The following MTUS2 variants were observed in gnomAD, a reference collection of about 807,000 sequenced individuals.
The protein encoded by MTUS2 is microtubule-associated tumor suppressor candidate 2.
MTUS2 carries 40 observed loss-of-function variants against 114.1 expected under a neutral mutation model. That is an observed-to-expected ratio of 0.35 (90% CI 0.27 to 0.46). MTUS2 has a LOEUF of 0.46. Ranked by LOEUF, MTUS2 falls within the 20% of genes least tolerant of loss-of-function variation. The pLI is 1.00. For synonymous variants in MTUS2, 688 were observed against 672.0 expected, an observed-to-expected ratio of 1.02 and a Z score of -0.37; for missense variants, 1,679 against 1,705.4, an observed-to-expected ratio of 0.98 and a Z score of 0.27.
chr13:29,202,273 T>A (rs1018857412), intron 5 of MTUS2, among the ~76,000 whole-genome samples: 1 of 152,176 alleles, frequency 6.6e-6, no homozygotes, highest in Non-Finnish European at 1.5e-5. Flanking sequence ...ATCTCTGATA[T>A]CCTTTTTCCT....
chr13:28,885,104 G>C (rs1323069461), intron 2 of MTUS2, among the ~76,000 whole-genome samples: 1 of 152,070 alleles, frequency 6.6e-6, no homozygotes, highest in Non-Finnish European at 1.5e-5. Flanking sequence ...CTGAATGGTA[G>C]CTTTATCTTA....
At chr13:29,285,967 C>G (rs1401067754) in intron 6 of MTUS2, among the ~76,000 whole-genome samples, 1 of 152,072 alleles carries the variant, frequency 6.6e-6, no homozygotes, top group Non-Finnish European at 1.5e-5. Flanking sequence ...TCTCTTTTGC[C>G]CAGGCTGGAA....
intron 2 of MTUS2, among the ~76,000 whole-genome samples, chr13:28,878,604 A>G (rs959173794): frequency 6.6e-6 from 1 of 152,144 alleles, no homozygotes; most frequent in Non-Finnish European, 1.5e-5. Context: ...CTGTTCCTGC[A>G]TTAGTTTGCT....
In MTUS2 at chr13:29,149,397, T is replaced by C. The variant is rs373951866; in HGVS notation, c.2644+48427T>C. On this transcript the variant is annotated intron_variant, in intron 5 of 15. Coordinates refer to ENST00000612955, the MANE Select transcript of MTUS2 (RefSeq NM_001033602.4). ...GTTGTTTGTTTCTTGTAAATTTGTT[T>C]AAGTTCCTTGTAGATACTGGATATT... is the stretch of plus-strand genomic sequence containing the variant. 9.2e-5 allele frequency among the ~76,000 whole-genome samples: 14 copies of C among 152,336 alleles called. No homozygotes were observed. In the South Asian group the frequency reaches 1.9e-3, roughly 20 times the overall value.
At chr13:29,021,268 A>AT (rs1182173236) in intron 2 of MTUS2, among the ~76,000 whole-genome samples, 2 of 152,218 alleles carry the variant, frequency 1.3e-5, no homozygotes, top group Admixed American at 1.3e-4. Context: ...TACTGTCTCA[A>AT]TTTTTTAAAC....
At chr13:29,284,573 A>G (rs569655115) in intron 6 of MTUS2, among the ~76,000 whole-genome samples, 2 of 152,348 alleles carry the variant, frequency 1.3e-5, no homozygotes, top group South Asian at 2.1e-4. Context: ...AAACTCAAAA[A>G]TGAAATTAAA....
intron 8 of MTUS2, among the ~76,000 whole-genome samples, chr13:29,403,931 C>T (rs2138509554): frequency 6.6e-6 from 1 of 152,090 alleles, no homozygotes; most frequent in East Asian, 1.9e-4. Flanking sequence ...ATATATTTAT[C>T]CTTCCAGGAC....
intron 11 of MTUS2, chr13:29,489,588 G>A (rs1881907306): frequency 6.6e-6 from 1 of 152,116 alleles, no homozygotes; most frequent in Non-Finnish European, 1.5e-5. Context: ...GGAACCACCT[G>A]GAAGTTTTTA....
chr13:28,855,335 A>G (rs1876554844), intron 2 of MTUS2, among the ~76,000 whole-genome samples: 1 of 152,090 alleles, frequency 6.6e-6, no homozygotes, highest in South Asian at 2.1e-4. Flanking sequence ...AACGTGTGCA[A>G]TGGTGGTTTG....
chr13:29,391,169 A>C (rs921509860), intron 8 of MTUS2, among the ~76,000 whole-genome samples: 1 of 152,036 alleles, frequency 6.6e-6, no homozygotes, highest in African/African-American at 2.4e-5. Flanking sequence ...GGCTCACTGC[A>C]ACTTCCATGT....
chr13:28,831,964 A>G (rs1438671313), intron 1 of MTUS2, among the ~76,000 whole-genome samples: 2 of 151,278 alleles, frequency 1.3e-5, no homozygotes, highest in East Asian at 1.9e-4. Context: ...GGCTTTCACT[A>G]TGTTGGCCAG....
At chr13:29,185,086 G>C (rs890702479) in intron 5 of MTUS2, among the ~76,000 whole-genome samples, 1 of 152,018 alleles carries the variant, frequency 6.6e-6, no homozygotes, top group African/African-American at 2.4e-5. Flanking sequence ...AAAAGTTTTT[G>C]TTTTAGAAAA....
At chr13:29,146,264 A>G (rs530521289) in intron 5 of MTUS2, among the ~76,000 whole-genome samples, 78 of 152,328 alleles carry the variant, frequency 5.1e-4, no homozygotes, top group Middle Eastern at 6.8e-3. Flanking sequence ...TTCTGGACCT[A>G]TCTGTATTTT....
At chr13:28,959,852 A>G (rs907499307) in intron 2 of MTUS2, among the ~76,000 whole-genome samples, 1 of 152,232 alleles carries the variant, frequency 6.6e-6, no homozygotes, top group African/African-American at 2.4e-5. Flanking sequence ...TCCAAACCGT[A>G]TCACACCACC....
At chr13:29,281,953 G>A in intron 6 of MTUS2, 88 bp downstream of exon 6, 1 of 1,381,126 alleles carries the variant, frequency 7.2e-7, no homozygotes, top group Non-Finnish European at 9.8e-7. Context: ...GTGTACATCA[G>A]TTATTTAGAA....
intron 6 of MTUS2, among the ~76,000 whole-genome samples, chr13:29,319,853 T>TA (rs34256538): frequency 8.0e-5 from 12 of 150,104 alleles, no homozygotes; most frequent in Admixed American, 3.3e-4. Context: ...TCAAGAAAGC[T>TA]AAAAAAAAAA....
At chr13:29,444,186 G>T (rs112951226) in intron 9 of MTUS2, among the ~76,000 whole-genome samples, 12,126 of 152,206 alleles carry the variant, frequency 0.08, 638 homozygotes, top group African/African-American at 0.15. Context: ...CACTTTGGGA[G>T]GCTGAAGCAG....
chr13:28,948,355 C>T (rs1882638821), intron 2 of MTUS2, among the ~76,000 whole-genome samples: 1 of 152,052 alleles, frequency 6.6e-6, no homozygotes, highest in Non-Finnish European at 1.5e-5. Context: ...GGCTCAGGCC[C>T]ACAGGTAGAA....
chr13:28,861,839 G>A (rs193092852), intron 2 of MTUS2, among the ~76,000 whole-genome samples: 3 of 152,252 alleles, frequency 2.0e-5, no homozygotes, highest in East Asian at 1.9e-4. Flanking sequence ...TGGAGTGTTT[G>A]AGTGGGAAAT....
Sources: gnomAD v4.1 joint callset for allele counts (sites outside exome capture counted in the v4.1 genomes callset) on GRCh38, gnomAD v4.1.1 for gene constraint, MANE v1.5 for transcripts, NCBI Gene and HGNC (gene_info 2026-07-23, HGNC 2026-07-21) for gene names.